Variants in ZNF473 observed in about 807,000 individuals in gnomAD.
ZNF473 encodes zinc finger protein 473.
ZNF473 carries 4 observed loss-of-function variants against 11.1 expected under a neutral mutation model. The ratio of observed to expected loss-of-function variants is 0.36; its 90% CI spans 0.18 to 0.82. The LOEUF (loss-of-function observed/expected upper bound fraction) is 0.82, where lower values mean the gene tolerates loss of function less well. ZNF473 is among the 40% of genes least tolerant of loss of function. The pLI is 0.49. For synonymous variants in ZNF473, 404 were observed against 390.4 expected, an observed-to-expected ratio of 1.03 and a Z score of -0.41; for missense variants, 854 against 1,084.0, an observed-to-expected ratio of 0.79 and a Z score of 2.98.
At chr19:50,042,087 C>T (rs10420700) in intron 4 of ZNF473, 8,518 of 277,102 alleles carry the variant, frequency 0.031, 716 homozygotes, top group African/African-American at 0.18. Context: ...TCTTTCCTTC[C>T]AGACTCAACA....
chr19:50,027,193 GC>G (rs2077289561), intron 1 of ZNF473, among the ~76,000 whole-genome samples: 1 of 152,072 alleles, frequency 6.6e-6, no homozygotes, highest in African/African-American at 2.4e-5. Context: ...AGGAATCTGG[GC>G]CAGTTTTTGG....
chr19:50,028,297 CA>C lies in ZNF473; in HGVS notation c.-192+2192del, dbSNP rs770803175. 6.8e-3 allele frequency among the ~76,000 whole-genome samples: 499 copies of C among 72,946 alleles called. 4 individuals are homozygous for C. Among genetic ancestry groups the C allele is most frequent in the African/African-American group, 0.017 (327 of 19,786 alleles). 47.9% of individuals were successfully genotyped at this position (72,946 alleles called of 152,430 possible). A position where few individuals can be genotyped will look rare whatever the true frequency, so the allele number is the denominator to read the frequency against. On this transcript the variant is annotated intron_variant, in intron 1 of 4. Coordinates refer to ENST00000270617, the MANE Select transcript of ZNF473 (RefSeq NM_015428.4). The stretch of plus-strand genomic sequence containing the variant: ...TGGGCGACAGAACGAGACTCCGTCT[CA>C]AAAAAAAAAAAAAAAACAAATTTAA...
chr19:50,046,943 A>G lies in ZNF473; in HGVS notation c.2500A>G (p.Arg834Gly), dbSNP rs766241856. ...VLSAHLNQHL[R>G]VHTQETLYQC... ...CAGTGCCCATCTCAACCAGCACCTG[A>G]GAGTTCACACCCAGGAGACACTTTA... is the stretch of plus-strand genomic sequence containing the variant. Residue 834 changes from arginine (R) to glycine (G), a missense_variant, in exon 5 of 5, where the codon AGA becomes GGA. Physicochemically the swap from Arg to Gly is moderately radical, Grantham distance 125. Around this residue, in one of 2 missense-constraint regions of ZNF473, gnomAD observed 186 missense variants for 293.8 expected, o/e 0.63. Transcript: ENST00000270617. The surrounding 1 kb of genome is among the most constrained non-coding windows in gnomAD (Gnocchi z 5.9). The G allele has an allele frequency of 2.0e-5, 33 of 1,614,190 alleles. No homozygotes were observed. The Admixed American group carries it at 5.5e-4, about 27-fold the overall frequency.
chr19:50,047,818 G>A lies in ZNF473; in HGVS notation c.*759G>A, dbSNP rs1004111370. Reference sequence around the variant, plus strand: ...CTATGACCTTCCTCCATTTAACAGTGTTGGTTATGCAATAAGACACCCAAT... The same window carrying A: ...CTATGACCTTCCTCCATTTAACAGTATTGGTTATGCAATAAGACACCCAAT... On this transcript the variant is annotated 3_prime_UTR_variant, in exon 5 of 5. Coordinates refer to ENST00000270617, the MANE Select transcript of ZNF473 (RefSeq NM_015428.4). 6.6e-6 allele frequency: 1 copy of A among 152,202 alleles called. No homozygotes were observed. Among genetic ancestry groups the A allele is most frequent in the African/African-American group, 2.4e-5 (1 of 41,436 alleles). The allele number at this position is 152,202 out of a possible 1,614,324, so 9.4% of individuals were successfully genotyped here.
rs368952573 is a variant in ZNF473, at chr19:50,047,094, C to G, written c.*35C>G. 313 of 1,539,776 alleles carry G rather than the reference C, an allele frequency of 2.0e-4. No individual in the cohort carries two copies. The highest frequency in any genetic ancestry group is 2.7e-4 in the Non-Finnish European group (305 of 1,129,208). On this transcript the variant is annotated 3_prime_UTR_variant, in exon 5 of 5. Coordinates refer to ENST00000270617, the MANE Select transcript of ZNF473 (RefSeq NM_015428.4). Reference sequence around the variant, plus strand: ...GGCAGCAGAGTCCCAGAATATGAGACCGTTACTCGGATGTTGAAAGTTGGA... The same window carrying G: ...GGCAGCAGAGTCCCAGAATATGAGAGCGTTACTCGGATGTTGAAAGTTGGA...
At chr19:50,040,229 C>T (rs541602061) in intron 3 of ZNF473, among the ~76,000 whole-genome samples, 2 of 152,214 alleles carry the variant, frequency 1.3e-5, no homozygotes, top group Non-Finnish European at 2.9e-5. Context: ...GGAAGCCAGG[C>T]ACAAGCTTCC....
chr19:50,034,156 C>T (rs1423947170), intron 2 of ZNF473, among the ~76,000 whole-genome samples: 3 of 152,196 alleles, frequency 2.0e-5, no homozygotes, highest in Admixed American at 6.5e-5. Flanking sequence ...AGGCTAAAAA[C>T]GTAGAGCCAT....
In ZNF473 at chr19:50,039,379, T is replaced by C; in HGVS notation, c.136+92T>C. On this transcript the variant is annotated intron_variant, in intron 3 of 4. Transcript: ENST00000270617. This position sits in a 1 kb window ranked among gnomAD's most constrained non-coding sequence, Gnocchi z 4.8. ...ACCCACAGGGTGAAGTCCTGGCTCC[T>C]GGGCTCCTCAGAATCAGCATGACCT... 1 of 1,530,894 alleles carries C rather than the reference T, an allele frequency of 6.5e-7. No individual in the cohort carries two copies. The highest frequency in any genetic ancestry group is 1.9e-5 in the Admixed American group (1 of 52,936). 94.8% of individuals were successfully genotyped at this position (1,530,894 alleles called of 1,614,324 possible).
In ZNF473 at chr19:50,045,330, A is replaced by G; in HGVS notation, c.887A>G (p.Asp296Gly). The G allele has an allele frequency of 1.2e-6, 2 of 1,614,188 alleles. No individual in the cohort carries two copies. The highest frequency in any genetic ancestry group is 1.3e-5 in the African/African-American group (1 of 75,028). The change falls in exon 5 of 5, where the codon GAT (aspartate) becomes GGT (glycine). Residue 296 changes from aspartate (D) to glycine (G), a missense_variant. Around this residue, in one of 2 missense-constraint regions of ZNF473, gnomAD observed 668 missense variants for 790.2 expected, o/e 0.85. Coordinates refer to ENST00000270617, the MANE Select transcript of ZNF473 (RefSeq NM_015428.4). The part of the protein sequence containing the change: ...HTGEKPCKSQ[D>G]SDHPPSHDTQ... ...GGAGAAAAACCATGTAAGAGTCAAG[A>G]TAGTGACCACCCACCCAGTCATGAC...
At position 50,046,759 on chromosome 19, in the gene ZNF473, C is replaced by T. The variant is rs1293678706; in HGVS notation, c.2316C>T (p.Cys772=). 2 of 1,614,038 alleles carry T rather than the reference C, an allele frequency of 1.2e-6. No individual in the cohort carries two copies. The highest frequency in any genetic ancestry group is 1.7e-5 in the Admixed American group (1 of 60,008). ...ECGKAFTQSS[C]LSIHRRVHTG... ...GGAAAGCCTTCACCCAGAGCTCATG[C>T]CTTTCTATTCACCGGAGAGTTCACA... The change falls in exon 5 of 5, where the codon TGC becomes TGT. Residue 772 remains cysteine (C), a synonymous_variant. Coordinates refer to ENST00000270617, the MANE Select transcript of ZNF473 (RefSeq NM_015428.4). The surrounding 1 kb of genome is among the most constrained non-coding windows in gnomAD (Gnocchi z 5.9).
At position 50,038,650 on chromosome 19, in the gene ZNF473, C is replaced by T. The variant is rs573717326; in HGVS notation, c.10-511C>T. On this transcript the variant is annotated intron_variant, in intron 2 of 4. Coordinates refer to ENST00000270617, the MANE Select transcript of ZNF473 (RefSeq NM_015428.4). ...TGGGCCCCCTGGATTCTGATTGAGA[C>T]GAGCTAGCTATAAAGACACACCACT... Among the ~76,000 whole-genome samples, 38 of 152,200 alleles carry T rather than the reference C, an allele frequency of 2.5e-4. No individual in the cohort carries two copies. The South Asian group carries it at 5.4e-3, about 22-fold the overall frequency.
chr19:50,036,984 G>A (rs1978484059), intron 2 of ZNF473, among the ~76,000 whole-genome samples: 1 of 152,228 alleles, frequency 6.6e-6, no homozygotes, highest in Non-Finnish European at 1.5e-5. Flanking sequence ...TTTTCTATAA[G>A]TTGGGGATAA....
At position 50,039,071 on chromosome 19, in the gene ZNF473, GCA is replaced by G; in HGVS notation, c.10-89_10-88del. On this transcript the variant is annotated intron_variant, in intron 2 of 4. Transcript: ENST00000270617. This position sits in a 1 kb window ranked among gnomAD's most constrained non-coding sequence, Gnocchi z 4.8. ...TGGGATGGTTTTTGCCAAAGCCCTG[GCA>G]GATTGAGGGCTGGGAGTGCCCTGAG... 6.5e-7 allele frequency: 1 copy of G among 1,538,718 alleles called. No homozygotes were observed. The highest frequency in any genetic ancestry group is 1.4e-5 in the African/African-American group (1 of 73,464).
intron 2 of ZNF473, among the ~76,000 whole-genome samples, chr19:50,037,891 A>G (rs115755787): frequency 4.9e-4 from 74 of 152,112 alleles, no homozygotes; most frequent in Middle Eastern, 3.4e-3. Flanking sequence ...ACCATAACTT[A>G]CAAACGACAG....
chr19:50,030,895 G>A lies in ZNF473; in HGVS notation c.-188G>A. On this transcript the variant is annotated 5_prime_UTR_variant, in exon 2 of 5. Coordinates refer to ENST00000270617, the MANE Select transcript of ZNF473 (RefSeq NM_015428.4). ...TAGTTGTTGTTGTCCCCTGCAGGGA[G>A]ACTCACATTGGGACTTGTCCTCCTC... is the stretch of plus-strand genomic sequence containing the variant. The A allele has an allele frequency of 1.4e-6, 1 of 739,244 alleles. No individual in the cohort carries two copies. Among genetic ancestry groups the A allele is most frequent in the Non-Finnish European group, 2.3e-6 (1 of 432,368 alleles). The allele number at this position is 739,244 out of a possible 1,614,324, so 45.8% of individuals were successfully genotyped here.
At chr19:50,033,149 A>G (rs1459284431) in intron 2 of ZNF473, among the ~76,000 whole-genome samples, 1 of 152,186 alleles carries the variant, frequency 6.6e-6, no homozygotes, top group Non-Finnish European at 1.5e-5. Context: ...TGCAGGCAGT[A>G]TTAAGGATTA....
rs1217644117 is a variant in ZNF473 at position 50,046,459 on chromosome 19, T to C, written c.2016T>C (p.Asn672=). 1 of 1,614,026 alleles carries C rather than the reference T, an allele frequency of 6.2e-7. No homozygotes were observed. The highest frequency in any genetic ancestry group is 1.3e-5 in the African/African-American group (1 of 74,896). ...ATCAGTTAATTCACGCTGGAGAGAA[T>C]CCCTTTAAATGTAGTAAGTGTGACA... is the stretch of plus-strand genomic sequence containing the variant. ...SKHQLIHAGE[N]PFKCSKCDRV... is the part of the protein sequence containing the mutation. The change falls in exon 5 of 5, where the codon AAT becomes AAC. Residue 672 remains asparagine, a synonymous_variant. Coordinates refer to ENST00000270617, the MANE Select transcript of ZNF473 (RefSeq NM_015428.4). This position sits in a 1 kb window ranked among gnomAD's most constrained non-coding sequence, Gnocchi z 5.9.
intron 1 of ZNF473, among the ~76,000 whole-genome samples, chr19:50,028,155 G>T (rs895935975): frequency 6.6e-6 from 1 of 151,990 alleles, no homozygotes; most frequent in East Asian, 1.9e-4. Flanking sequence ...AAAATTCTCC[G>T]GGCGTGGTGG....
rs1350315911 is a variant in ZNF473 at position 50,046,577 on chromosome 19, C to T, written c.2134C>T (p.Arg712Cys). The T allele has an allele frequency of 6.8e-6, 11 of 1,614,064 alleles. No individual in the cohort carries two copies. Among genetic ancestry groups the T allele is most frequent in the African/African-American group, 1.3e-5 (1 of 74,922 alleles). ...GTGTAACGAATGCGGGAAAACGTTCCGTCAGAGCTCATGCCTTTCTAAGCA... is the reference window on the plus strand; with the variant it reads ...GTGTAACGAATGCGGGAAAACGTTCTGTCAGAGCTCATGCCTTTCTAAGCA... ...LVCNECGKTF[R>C]QSSCLSKHQR... The change falls in exon 5 of 5, where the codon CGT becomes TGT. Residue 712 changes from arginine to cysteine, a missense_variant. Arg to Cys is a radical substitution (Grantham distance 180). This residue lies in a region of ZNF473 where 186 missense variants were observed against 293.8 expected (regional missense o/e 0.63). Coordinates refer to ENST00000270617, the MANE Select transcript of ZNF473 (RefSeq NM_015428.4). The surrounding 1 kb of genome is among the most constrained non-coding windows in gnomAD (Gnocchi z 5.9).
Sources: gnomAD v4.1 joint callset for allele counts (sites outside exome capture counted in the v4.1 genomes callset) on GRCh38, gnomAD v4.1.1 for gene constraint, gnomAD v4.1.1 regional missense constraint, Gnocchi (gnomAD v3.1) non-coding constraint, MANE v1.5 for transcripts, NCBI Gene and HGNC (gene_info 2026-07-23, HGNC 2026-07-21) for gene names.